JAK3: variants seen among roughly 807,000 people sequenced by gnomAD.
JAK3 encodes Janus kinase 3.
Under a neutral mutation model 120.8 loss-of-function variants are expected in JAK3, and 88 were observed. That is an observed-to-expected ratio of 0.73 (90% confidence interval 0.61 to 0.87). The LOEUF (loss-of-function observed/expected upper bound fraction) is 0.87, where lower values mean the gene tolerates loss of function less well. JAK3 is among the 40% of genes least tolerant of loss of function. The pLI, the probability that JAK3 is intolerant of heterozygous loss-of-function variation, is 0.00. For synonymous variants in JAK3, 592 were observed against 628.6 expected (o/e 0.94, Z 0.87); for missense variants, 1,254 against 1,501.4 (o/e 0.84, Z 2.72).
In JAK3 at chr19:17,831,739, G is replaced by A. The variant is rs747463452; in HGVS notation, c.2740C>T (p.Leu914=). The A allele has an allele frequency of 3.5e-5, 57 of 1,612,420 alleles. No homozygotes were observed. Among genetic ancestry groups the A allele is most frequent in the Non-Finnish European group, 4.6e-5 (54 of 1,179,790 alleles). ...YLPSGCLRDF[L]QRHRARLDAS... ...TCGAGGCGCGCGCGGTGCCGCTGCA[G>A]GAAGTCGCGCAAGCAGCCGCTGGGC... Residue 914 remains leucine, a synonymous_variant, in exon 20 of 24, where the codon CTG becomes TTG. Transcript: ENST00000458235. The surrounding 1 kb of genome is among the most constrained non-coding windows in gnomAD (Gnocchi z 5.1).
intron 1 of JAK3, among the ~76,000 whole-genome samples, chr19:17,846,548 A>G (rs1337308493): frequency 2.0e-5 from 3 of 152,116 alleles, no homozygotes; most frequent in African/African-American, 7.2e-5. Context: ...TAGCCTCTCT[A>G]TCGTCCCCTC....
In JAK3 at chr19:17,842,233, C is replaced by A; in HGVS notation, c.861+83G>T. On this transcript the variant is annotated intron_variant, in intron 6 of 23. Coordinates refer to ENST00000458235, the MANE Select transcript of JAK3 (RefSeq NM_000215.4). The surrounding 1 kb of genome is among the most constrained non-coding windows in gnomAD (Gnocchi z 6.4). ...CCCCAAGTCTTTCGTTTTGGCTCCG[C>A]CCCACATCCCCTACCACTCTCCGGC... is the stretch of plus-strand genomic sequence containing the variant. 2 of 1,379,102 alleles carry A rather than the reference C, an allele frequency of 1.5e-6. No homozygotes were observed. The highest frequency in any genetic ancestry group is 1.9e-6 in the Non-Finnish European group (2 of 1,046,646). The allele number at this position is 1,379,102 out of a possible 1,614,324, so 85.4% of individuals were successfully genotyped here.
rs1283958325 is a variant in JAK3 at position 17,841,581 on chromosome 19, C to G, written c.985-35G>C. 6.2e-7 allele frequency: 1 copy of G among 1,607,496 alleles called. No homozygotes were observed. The highest frequency in any genetic ancestry group is 8.5e-7 in the Non-Finnish European group (1 of 1,177,244). On this transcript the variant is annotated intron_variant, in intron 7 of 23. Transcript: ENST00000458235. The surrounding 1 kb of genome is among the most constrained non-coding windows in gnomAD (Gnocchi z 4.1). Reference sequence around the variant, plus strand: ...ACAAGCGTCAGAGCCCAGTGAAACCCGAGGGTGCCGGTCCCGCCCTCGGGG... The same window carrying G: ...ACAAGCGTCAGAGCCCAGTGAAACCGGAGGGTGCCGGTCCCGCCCTCGGGG...
At chr19:17,837,882 C>G in intron 12 of JAK3, 50 bp downstream of exon 12, 1 of 1,612,772 alleles carries the variant, frequency 6.2e-7, no homozygotes, top group South Asian at 1.1e-5. Flanking sequence ...ATCCACGACC[C>G]CCTCTCCAGC....
chr19:17,835,928 T>A lies in JAK3; in HGVS notation c.1910A>T (p.Tyr637Phe). The A allele has an allele frequency of 6.2e-7, 1 of 1,613,822 alleles. No homozygotes were observed. Among genetic ancestry groups the A allele is most frequent in the Non-Finnish European group, 8.5e-7 (1 of 1,180,008 alleles). Residue 637 changes from tyrosine (Y) to phenylalanine (F), a missense_variant, in exon 14 of 24, where the codon TAT becomes TTT. Physicochemically the swap from Tyr to Phe is conservative, Grantham distance 22 (BLOSUM62 3). This residue lies in a region of JAK3 where 630 missense variants were observed against 819.8 expected (regional missense o/e 0.77). Transcript: ENST00000458235. ...AGCAGGCAGAGGAGCACTCACCAGATAGTTGAGGGCGTAGGCCAGCTGTTT... is the reference window on the plus strand; with the variant it reads ...AGCAGGCAGAGGAGCACTCACCAGAAAGTTGAGGGCGTAGGCCAGCTGTTT... ...VVKQLAYALN[Y>F]LEDKGLPHGN...
At position 17,837,077 on chromosome 19, in the gene JAK3, A is replaced by G. The variant is rs891418667; in HGVS notation, c.1786+52T>C. ...GGCTCAGAACAGAGGTGGGAAGAAC[A>G]GCCTAGACTTGGGTGAGGCAGGGGT... is the stretch of plus-strand genomic sequence containing the variant. On this transcript the variant is annotated intron_variant, in intron 13 of 23. Transcript: ENST00000458235. 10 of 1,059,904 alleles carry G rather than the reference A, an allele frequency of 9.4e-6. No individual in the cohort carries two copies. The African/African-American group carries it at 1.6e-4, about 16-fold the overall frequency. 65.7% of individuals were successfully genotyped at this position (1,059,904 alleles called of 1,614,324 possible). A position where few individuals can be genotyped will look rare whatever the true frequency, so the allele number is the denominator to read the frequency against.
At chr19:17,830,257 C>A in intron 22 of JAK3, 39 bp from the exon 23 acceptor site, 1 of 1,493,576 alleles carries the variant, frequency 6.7e-7, no homozygotes, top group Non-Finnish European at 9.1e-7. Context: ...GGGGAGGAGC[C>A]TCCGTGGGTG....
At chr19:17,846,205 T>C (rs1194390384) in intron 1 of JAK3, among the ~76,000 whole-genome samples, 1 of 152,156 alleles carries the variant, frequency 6.6e-6, no homozygotes, top group Non-Finnish European at 1.5e-5. Context: ...AGCATCCTCA[T>C]TGAGGTGGTC....
chr19:17,844,564 C>G, intron 1 of JAK3, 134 bp from the exon 2 acceptor site: 3 of 733,368 alleles, frequency 4.1e-6, no homozygotes, highest in Non-Finnish European at 6.6e-6. Flanking sequence ...TTTGGGAGGC[C>G]GAGGCGGGAG....
Position 17,835,074 on chromosome 19 carries a change from G to C in JAK3, c.2047+9C>G, listed in dbSNP as rs1175853584. 1.2e-6 allele frequency: 2 copies of C among 1,614,142 alleles called. No individual in the cohort carries two copies. Among genetic ancestry groups the C allele is most frequent in the South Asian group, 1.1e-5 (1 of 91,076 alleles). ...TCAGCCCCTCCCTCCTCCACCTCCA[G>C]GAACTTACTCTCCAGGCTTAACACA... is the stretch of plus-strand genomic sequence containing the variant. On this transcript the variant is annotated intron_variant, in intron 15 of 23. Coordinates refer to ENST00000458235, the MANE Select transcript of JAK3 (RefSeq NM_000215.4).
chr19:17,839,371 CT>C (rs1374964828), intron 10 of JAK3, 105 bp downstream of exon 10: 1 of 1,071,276 alleles, frequency 9.3e-7, no homozygotes, highest in Non-Finnish European at 1.4e-6. Context: ...CCTAACCCAC[CT>C]TGACCTGCAG....
chr19:17,842,800 C>G lies in JAK3; in HGVS notation c.567-190G>C. 1.2e-6 allele frequency: 1 copy of G among 831,704 alleles called. No homozygotes were observed. Among genetic ancestry groups the G allele is most frequent in the South Asian group, 1.7e-5 (1 of 58,976 alleles). 51.5% of individuals were successfully genotyped at this position (831,704 alleles called of 1,614,324 possible). A position where few individuals can be genotyped will look rare whatever the true frequency, so the allele number is the denominator to read the frequency against. On this transcript the variant is annotated intron_variant, in intron 5 of 23. Transcript: ENST00000458235. This position sits in a 1 kb window ranked among gnomAD's most constrained non-coding sequence, Gnocchi z 6.4. ...AGAGTAGGGGAGGGCCATTGGCGCC[C>G]ACAGGTCGGACAGGGACCCCACAGG...
chr19:17,839,826 C>T (rs969140816), intron 9 of JAK3, among the ~76,000 whole-genome samples, 163 bp from the exon 10 acceptor site: 3 of 150,952 alleles, frequency 2.0e-5, no homozygotes, highest in African/African-American at 7.3e-5. Flanking sequence ...CTGCAACCTC[C>T]GCCTCCCAGG....
At position 17,832,961 on chromosome 19, in the gene JAK3, CGCCTCTCATCCTGG is replaced by C; in HGVS notation, c.2351-46_2351-33del. 1 of 1,598,156 alleles carries C rather than the reference CGCCTCTCATCCTGG, an allele frequency of 6.3e-7. No homozygotes were observed. Among genetic ancestry groups the C allele is most frequent in the Non-Finnish European group, 8.5e-7 (1 of 1,172,286 alleles). Reference sequence around the variant, plus strand: ...TGGGGGCATGGGCAGTGGTAAGCAGCGCCTCTCATCCTGGGCCCCACTCCTGAGTTGACTTGCTG... The same window carrying C: ...TGGGGGCATGGGCAGTGGTAAGCAGCGCCCCACTCCTGAGTTGACTTGCTG... On this transcript the variant is annotated intron_variant, in intron 17 of 23. Transcript: ENST00000458235. The surrounding 1 kb of genome is among the most constrained non-coding windows in gnomAD (Gnocchi z 4.7).
chr19:17,831,074 C>T lies in JAK3; in HGVS notation c.2978+154G>A, dbSNP rs1320205521. 1.4e-5 allele frequency among the ~76,000 whole-genome samples: 1 copy of T among 70,516 alleles called. No individual in the cohort carries two copies. Among genetic ancestry groups the T allele is most frequent in the Non-Finnish European group, 2.7e-5 (1 of 36,982 alleles). The allele number at this position is 70,516 out of a possible 152,430, so 46.3% of individuals were successfully genotyped here. Reference sequence around the variant, plus strand: ...AGAGGAGCCAGTGCTGTTGAGGGGGCGGGGCTCTGGGGAGTGGGAGGGGCC... The same window carrying T: ...AGAGGAGCCAGTGCTGTTGAGGGGGTGGGGCTCTGGGGAGTGGGAGGGGCC... On this transcript the variant is annotated intron_variant, in intron 21 of 23. Transcript: ENST00000458235. The surrounding 1 kb of genome is among the most constrained non-coding windows in gnomAD (Gnocchi z 5.1).
chr19:17,834,663 G>A lies in JAK3; in HGVS notation c.2258C>T (p.Ala753Val). The A allele has an allele frequency of 6.2e-7, 1 of 1,614,126 alleles. No individual in the cohort carries two copies. The highest frequency in any genetic ancestry group is 8.5e-7 in the Non-Finnish European group (1 of 1,180,012). Residue 753 changes from alanine to valine, a missense_variant, in exon 17 of 24, where the codon GCC (alanine) becomes GTC (valine). Coordinates refer to ENST00000458235, the MANE Select transcript of JAK3 (RefSeq NM_000215.4). ...GGCCATGCACTGTTGAATCAGCAGG[G>A]CCAGCTCTGTCCACTTGGGGGCCGG... ...QLPAPKWTEL[A>V]LLIQQCMAYE...
rs769459507 is a variant in JAK3, at chr19:17,835,078, C to G, written c.2047+5G>C. The G allele has an allele frequency of 1.2e-6, 2 of 1,614,192 alleles. No homozygotes were observed. Among genetic ancestry groups the G allele is most frequent in the Non-Finnish European group, 1.7e-6 (2 of 1,180,038 alleles). On this transcript the variant is annotated splice_donor_5th_base_variant and intron_variant, in intron 15 of 23. Transcript: ENST00000458235. ...CCCCTCCCTCCTCCACCTCCAGGAA[C>G]TTACTCTCCAGGCTTAACACAGCGG...
chr19:17,843,180 G>T lies in JAK3; in HGVS notation c.421-8C>A, dbSNP rs201069302. The T allele has an allele frequency of 6.3e-7, 1 of 1,599,604 alleles. No homozygotes were observed. Among genetic ancestry groups the T allele is most frequent in the East Asian group, 2.2e-5 (1 of 44,466 alleles). On this transcript the variant is annotated splice_region_variant and splice_polypyrimidine_tract_variant and intron_variant, in intron 4 of 23. Transcript: ENST00000458235. The surrounding 1 kb of genome is among the most constrained non-coding windows in gnomAD (Gnocchi z 5.4). ...CACCAGGTCACTGCGGTGCTGGGGG[G>T]CCGCCACAGGGAGCATCAGCTGAGG...
chr19:17,842,678 A>G lies in JAK3; in HGVS notation c.567-68T>C. ...AGGGGTCCCCGCGGGGACACACACA[A>G]ACCCAGGCTTTAGCCCAGGGGCTGG... is the stretch of plus-strand genomic sequence containing the variant. On this transcript the variant is annotated intron_variant, in intron 5 of 23. Coordinates refer to ENST00000458235, the MANE Select transcript of JAK3 (RefSeq NM_000215.4). The surrounding 1 kb of genome is among the most constrained non-coding windows in gnomAD (Gnocchi z 6.4). 7.0e-7 allele frequency: 1 copy of G among 1,437,400 alleles called. No homozygotes were observed. The allele number at this position is 1,437,400 out of a possible 1,614,324, so 89.0% of individuals were successfully genotyped here.
Sources: gnomAD v4.1 joint callset for allele counts (sites outside exome capture counted in the v4.1 genomes callset) on GRCh38, gnomAD v4.1.1 for gene constraint, gnomAD v4.1.1 regional missense constraint, Gnocchi (gnomAD v3.1) non-coding constraint, MANE v1.5 for transcripts, NCBI Gene and HGNC (gene_info 2026-07-23, HGNC 2026-07-21) for gene names.